ST3GAL3: variants seen among roughly 807,000 people sequenced by gnomAD.
ST3GAL3 encodes ST3 beta-galactoside alpha-2,3-sialyltransferase 3, also known as CMP-N-acetylneuraminate-beta-1,4-galactoside alpha-2,3-sialyltransferase.
Under a neutral mutation model 50.1 loss-of-function variants are expected in ST3GAL3, and 21 were observed. The ratio of observed to expected loss-of-function variants is 0.42; its 90% confidence interval spans 0.30 to 0.60. The LOEUF (loss-of-function observed/expected upper bound fraction) is 0.60. Among genes scored for constraint, ST3GAL3 ranks in the 20% least tolerant of loss-of-function variants. The pLI, the probability that ST3GAL3 is intolerant of heterozygous loss-of-function variation, is 0.19. For synonymous variants in ST3GAL3, 183 were observed against 190.0 expected (o/e 0.96, Z 0.30); for missense variants, 353 against 489.4 (o/e 0.72, Z 2.63).
chr1:43,754,925 C>T (rs116049654), intron 2 of ST3GAL3, among the ~76,000 whole-genome samples: 21 of 143,414 alleles, frequency 1.5e-4, no homozygotes, highest in African/African-American at 5.2e-4. Flanking sequence ...AACCCTGTCT[C>T]AAAAAAAAAA....
chr1:43,870,716 C>T (rs540169120), intron 5 of ST3GAL3, among the ~76,000 whole-genome samples: 2 of 152,092 alleles, frequency 1.3e-5, no homozygotes, highest in South Asian at 4.2e-4. Flanking sequence ...GAACTGTTCC[C>T]GGGAGAGCCT....
intron 1 of ST3GAL3, among the ~76,000 whole-genome samples, chr1:43,732,704 G>A (rs993184877): frequency 6.6e-5 from 10 of 152,044 alleles, no homozygotes; most frequent in Non-Finnish European, 1.5e-5. Flanking sequence ...CTATTATTGG[G>A]CATTTAAACT....
intron 9 of ST3GAL3, among the ~76,000 whole-genome samples, chr1:43,911,667 C>CTATAGA (rs530784151): frequency 9.7e-5 from 14 of 144,228 alleles, no homozygotes; most frequent in Middle Eastern, 3.5e-3. Context: ...CTATAGATAT[C>CTATAGA]TATAGATATA....
intron 4 of ST3GAL3, among the ~76,000 whole-genome samples, chr1:43,819,885 C>T (rs1309023200): frequency 6.6e-6 from 1 of 152,112 alleles, no homozygotes; most frequent in Non-Finnish European, 1.5e-5. Context: ...GTTTTCTGTT[C>T]TGTGTTAATT....
chr1:43,866,762 TAGAAGTA>T (rs1309325731), intron 5 of ST3GAL3, among the ~76,000 whole-genome samples: 2 of 152,054 alleles, frequency 1.3e-5, no homozygotes, highest in African/African-American at 4.8e-5. Flanking sequence ...GAAGACAGGC[TAGAAGTA>T]ATCTAGAGCA....
At chr1:43,773,573 A>G (rs960533501) in intron 2 of ST3GAL3, among the ~76,000 whole-genome samples, 2 of 152,200 alleles carry the variant, frequency 1.3e-5, no homozygotes, top group Non-Finnish European at 2.9e-5. Flanking sequence ...AGATAGATAG[A>G]TGATAGACAG....
chr1:43,771,973 A>G (rs1695413073), intron 2 of ST3GAL3: 1 of 398,264 alleles, frequency 2.5e-6, no homozygotes, highest in Admixed American at 4.4e-5. Flanking sequence ...AAGGAAAAAT[A>G]AGGGGGAATA....
intron 3 of ST3GAL3, among the ~76,000 whole-genome samples, chr1:43,795,836 G>C (rs2058626458): frequency 6.6e-6 from 1 of 152,136 alleles, no homozygotes; most frequent in African/African-American, 2.4e-5. Context: ...GATAGGGGAA[G>C]AATACCAGAA....
At chr1:43,818,550 C>G (rs572367943) in intron 4 of ST3GAL3, among the ~76,000 whole-genome samples, 5 of 152,252 alleles carry the variant, frequency 3.3e-5, no homozygotes, top group Non-Finnish European at 5.9e-5. Context: ...TAACTAAACA[C>G]ACAAGGAAAC....
chr1:43,833,854 G>C (rs2063881184), intron 4 of ST3GAL3, among the ~76,000 whole-genome samples: 1 of 152,184 alleles, frequency 6.6e-6, no homozygotes, highest in Non-Finnish European at 1.5e-5. Flanking sequence ...GTGGTGCTTA[G>C]AAAATAGGCA....
chr1:43,916,059 C>T (rs2081743293), intron 9 of ST3GAL3, among the ~76,000 whole-genome samples: 1 of 152,172 alleles, frequency 6.6e-6, no homozygotes. Context: ...ATGGAGGTTG[C>T]AGTGAGCTGA....
intron 5 of ST3GAL3, among the ~76,000 whole-genome samples, chr1:43,846,993 A>G (rs1262873185): frequency 6.6e-6 from 1 of 152,232 alleles, no homozygotes; most frequent in African/African-American, 2.4e-5. Flanking sequence ...GAGAACTTGA[A>G]TAGACACTTC....
At chr1:43,896,971 TC>T (rs1168847378) in intron 6 of ST3GAL3, 2 of 152,176 alleles carry the variant, frequency 1.3e-5, no homozygotes, top group Admixed American at 1.3e-4. Flanking sequence ...GTATGTATAT[TC>T]TTCATATTTT....
At chr1:43,850,679 A>T in intron 5 of ST3GAL3, 1 of 726,690 alleles carries the variant, frequency 1.4e-6, no homozygotes, top group Non-Finnish European at 2.5e-6. Flanking sequence ...CGAGGATCAA[A>T]TGTTTATCAG....
At chr1:43,879,332 CAGTG>C (rs1166541658) in intron 5 of ST3GAL3, 7 of 455,844 alleles carry the variant, frequency 1.5e-5, no homozygotes, top group African/African-American at 1.2e-4. Flanking sequence ...TTTTTGGAGA[CAGTG>C]AGAAGGTTCG....
intron 9 of ST3GAL3, chr1:43,913,187 G>A (rs1166950016): frequency 6.6e-5 from 10 of 152,270 alleles, no homozygotes; most frequent in Non-Finnish European, 1.3e-4. Context: ...AATGTGTTCC[G>A]GCCTCTCCGG....
chr1:43,758,419 G>A (rs1688942100), intron 2 of ST3GAL3, among the ~76,000 whole-genome samples: 1 of 151,902 alleles, frequency 6.6e-6, no homozygotes, highest in Non-Finnish European at 1.5e-5. Flanking sequence ...CCTGGCTAAT[G>A]TTTTTAAATT....
In ST3GAL3 at chr1:43,898,216, C is replaced by T. The variant is rs1046730986; in HGVS notation, c.398-19C>T. On this transcript the variant is annotated intron_variant, in intron 6 of 11. Coordinates refer to ENST00000347631, the MANE Select transcript of ST3GAL3 (RefSeq NM_006279.5). ...AGGTAAGTGACCCTGTAACAGAAAC[C>T]TCTCTCCTCTGTCTGCAGACAATCT... The T allele has an allele frequency of 2.5e-6, 4 of 1,613,454 alleles. No individual in the cohort carries two copies. The Admixed American group carries it at 6.7e-5, about 27-fold the overall frequency.
At chr1:43,814,794 A>T in intron 3 of ST3GAL3, 97 bp from the exon 4 acceptor site, 1 of 1,121,112 alleles carries the variant, frequency 8.9e-7, no homozygotes, top group Non-Finnish European at 1.4e-6. Context: ...TTCTTTTCCA[A>T]GGGTGGTCTG....
Sources: allele counts gnomAD v4.1 joint callset (sites outside exome capture counted in the v4.1 genomes callset), GRCh38; gene constraint gnomAD v4.1.1; transcripts MANE v1.5; gene names NCBI Gene and HGNC (gene_info 2026-07-23, HGNC 2026-07-21).